The following HYCC2 variants were observed in gnomAD, a reference collection of about 807,000 sequenced individuals.
The protein encoded by HYCC2 is hyccin PI4KA lipid kinase complex subunit 2.
chr2:201,026,571 T>C, the HYCC2 span, among the ~76,000 whole-genome samples: 5 of 152,056 alleles, frequency 3.3e-5, no homozygotes, highest in Non-Finnish European at 7.4e-5. Context: ...GAAGTAAAGC[T>C]CTCCTCAGCA....
At chr2:201,062,464 T>C in the HYCC2 span, among the ~76,000 whole-genome samples, 29 of 152,150 alleles carry the variant, frequency 1.9e-4, no homozygotes, top group African/African-American at 6.5e-4. Context: ...CTGGCTAACA[T>C]GGTGAAACCC....
chr2:201,056,091 G>A, the HYCC2 span, among the ~76,000 whole-genome samples: 1 of 152,152 alleles, frequency 6.6e-6, no homozygotes, highest in Non-Finnish European at 1.5e-5. Flanking sequence ...CTACTCAGGA[G>A]GCTGAGGCAG....
chr2:200,997,158 G>A, the HYCC2 span: 1 of 231,392 alleles, frequency 4.3e-6, no homozygotes, highest in South Asian at 7.1e-5. Context: ...GGGAGGCCCA[G>A]GCGGGAGGAT....
At chr2:201,033,371 ATTTATTTTATTTTATTTTATTTTAT>A in the HYCC2 span, among the ~76,000 whole-genome samples, 1 of 144,048 alleles carries the variant, frequency 6.9e-6, no homozygotes, top group Non-Finnish European at 1.5e-5. Context: ...TGCTTGGCTA[ATTTATTTTATTTTATTTTATTTTAT>A]TTTATTTTAT....
the HYCC2 span, among the ~76,000 whole-genome samples, chr2:201,053,817 C>T: frequency 5.3e-5 from 8 of 150,928 alleles, no homozygotes; most frequent in African/African-American, 7.3e-5. Flanking sequence ...ACAAAAAATT[C>T]GCCGGGCATG....
chr2:201,014,821 A>G, the HYCC2 span, among the ~76,000 whole-genome samples: 1 of 152,246 alleles, frequency 6.6e-6, no homozygotes, highest in Non-Finnish European at 1.5e-5. Context: ...TGTATACTAA[A>G]TACACAAAAT....
the HYCC2 span, among the ~76,000 whole-genome samples, chr2:201,061,630 T>G: frequency 3.3e-5 from 5 of 151,502 alleles, no homozygotes; most frequent in African/African-American, 9.7e-5. Context: ...ACTTATAGTT[T>G]TTTTTTTTTT....
the HYCC2 span, among the ~76,000 whole-genome samples, chr2:200,983,401 C>T: frequency 2.6e-5 from 4 of 151,978 alleles, no homozygotes; most frequent in African/African-American, 9.7e-5. Flanking sequence ...AACATAGCAC[C>T]TGGAAAAATA....
At chr2:200,997,984 C>T in the HYCC2 span, among the ~76,000 whole-genome samples, 2 of 152,106 alleles carry the variant, frequency 1.3e-5, no homozygotes, top group Non-Finnish European at 2.9e-5. Context: ...TGCAGTGAGC[C>T]GAGACTGTGC....
the HYCC2 span, among the ~76,000 whole-genome samples, chr2:201,013,483 A>C: frequency 1.4e-3 from 215 of 149,196 alleles, 2 homozygotes; most frequent in African/African-American, 5.3e-3. Context: ...CCATTTCAAA[A>C]AAAAAAAAAA....
chr2:201,012,907 C>T, the HYCC2 span, among the ~76,000 whole-genome samples: 2 of 151,826 alleles, frequency 1.3e-5, no homozygotes, highest in East Asian at 1.9e-4. Context: ...ATCACACTAT[C>T]GCACTCTAGC....
the HYCC2 span, among the ~76,000 whole-genome samples, chr2:201,066,377 A>G: frequency 6.6e-6 from 1 of 152,126 alleles, no homozygotes; most frequent in African/African-American, 2.4e-5. Context: ...CCCAGCCACT[A>G]TGTTTTCTAT....
At chr2:201,023,209 C>T in the HYCC2 span, among the ~76,000 whole-genome samples, 1 of 151,930 alleles carries the variant, frequency 6.6e-6, no homozygotes, top group African/African-American at 2.4e-5. Context: ...ATTAGCCAGG[C>T]GTGGTGGCGG....
At chr2:200,981,483 T>G in the HYCC2 span, 1 of 1,614,218 alleles carries the variant, frequency 6.2e-7, no homozygotes, top group Non-Finnish European at 8.5e-7. This position sits in a 1 kb window ranked among gnomAD's most constrained non-coding sequence, Gnocchi z 4.5. Flanking sequence ...GACTGCCATT[T>G]ACATAGTCAA....
chr2:201,024,099 AATG>A, the HYCC2 span: 4 of 922,514 alleles, frequency 4.3e-6, 1 homozygote, highest in Admixed American at 7.7e-5. Flanking sequence ...ACTAGAAATA[AATG>A]ATATGTGCCT....
chr2:200,974,892 A>G, the HYCC2 span: 5 of 152,002 alleles, frequency 3.3e-5, no homozygotes, highest in Non-Finnish European at 7.4e-5. Context: ...GACATAAATT[A>G]TTTAACAAAC....
chr2:200,989,600 T>A, the HYCC2 span, among the ~76,000 whole-genome samples: 1 of 151,968 alleles, frequency 6.6e-6, no homozygotes, highest in Non-Finnish European at 1.5e-5. Flanking sequence ...ATCACTTGAG[T>A]CCAGGAATTT....
the HYCC2 span, among the ~76,000 whole-genome samples, chr2:201,030,931 C>T: frequency 6.6e-6 from 1 of 152,078 alleles, no homozygotes; most frequent in Non-Finnish European, 1.5e-5. Flanking sequence ...CCTTATCTGT[C>T]CAATAACTTA....
At chr2:201,010,356 A>G in the HYCC2 span, among the ~76,000 whole-genome samples, 1 of 152,290 alleles carries the variant, frequency 6.6e-6, no homozygotes, top group African/African-American at 2.4e-5. Context: ...TGACAGGAAA[A>G]TAGAATACAA....
Sources: allele counts gnomAD v4.1 joint callset (sites outside exome capture counted in the v4.1 genomes callset), GRCh38; gene constraint gnomAD v4.1.1; non-coding constraint Gnocchi (gnomAD v3.1); transcripts MANE v1.5; gene names NCBI Gene and HGNC (gene_info 2026-07-23, HGNC 2026-07-21).